UBE2W: variants seen among roughly 807,000 people sequenced by gnomAD.
UBE2W encodes the protein ubiquitin-conjugating enzyme E2 W.
UBE2W carries 18 observed loss-of-function variants against 27.2 expected under a neutral mutation model. The observed-to-expected ratio is 0.66, with a 90% CI of 0.46 to 0.98. UBE2W has a LOEUF of 0.98. Ranked by LOEUF, UBE2W falls within the 50% of genes least tolerant of loss-of-function variation. The probability of loss-of-function intolerance (pLI) is 0.00; values close to 1 mark genes in which losing one functional copy is unlikely to be tolerated. For synonymous variants in UBE2W, 53 were observed against 57.2 expected (o/e 0.93, Z 0.33); for missense variants, 90 against 180.2 (o/e 0.50, Z 2.87).
chr8:73,860,152 G>T (rs1024962229), intron 1 of UBE2W, among the ~76,000 whole-genome samples: 2 of 148,318 alleles, frequency 1.3e-5, no homozygotes, highest in Middle Eastern at 3.4e-3. Flanking sequence ...AGGGGGCGGG[G>T]GAAGAAAAGA....
chr8:73,850,700 T>C (rs1586522191), intron 1 of UBE2W, among the ~76,000 whole-genome samples: 1 of 77,038 alleles, frequency 1.3e-5, no homozygotes. Context: ...GGGAAGGAAA[T>C]AGTGAGGTAC....
At chr8:73,821,894 G>C (rs915251123) in intron 3 of UBE2W, among the ~76,000 whole-genome samples, 1 of 152,130 alleles carries the variant, frequency 6.6e-6, no homozygotes, top group African/African-American at 2.4e-5. Context: ...TTATTTACTG[G>C]ACCAGACCTT....
At chr8:73,838,383 C>A (rs1436088296) in intron 1 of UBE2W, among the ~76,000 whole-genome samples, 1 of 151,974 alleles carries the variant, frequency 6.6e-6, no homozygotes, top group African/African-American at 2.4e-5. Context: ...TGTCATAATA[C>A]CTTGGTTGAA....
intron 1 of UBE2W, among the ~76,000 whole-genome samples, chr8:73,853,273 A>G (rs1321235085): frequency 2.0e-5 from 3 of 152,152 alleles, no homozygotes; most frequent in Non-Finnish European, 4.4e-5. Flanking sequence ...AGCAGCCTGA[A>G]AAGAAAGATA....
At chr8:73,814,525 G>A (rs78008042) in intron 3 of UBE2W, among the ~76,000 whole-genome samples, 8,052 of 152,056 alleles carry the variant, frequency 0.053, 684 homozygotes, top group African/African-American at 0.18. Context: ...ATTAGAAACA[G>A]TCTTTTTTTT....
chr8:73,866,720 A>G (rs1156548620), intron 1 of UBE2W, among the ~76,000 whole-genome samples: 1 of 152,150 alleles, frequency 6.6e-6, no homozygotes, highest in Non-Finnish European at 1.5e-5. Flanking sequence ...TTGTGCTTCA[A>G]ATGACACTAT....
In UBE2W at chr8:73,792,492, T is replaced by C; in HGVS notation, c.*1610A>G. 9.1e-6 allele frequency: 9 copies of C among 985,250 alleles called. No individual in the cohort carries two copies. Among genetic ancestry groups the C allele is most frequent in the Non-Finnish European group, 1.1e-5 (9 of 829,374 alleles). The allele number at this position is 985,250 out of a possible 1,614,324, so 61.0% of individuals were successfully genotyped here. On this transcript the variant is annotated 3_prime_UTR_variant, in exon 6 of 6. Transcript: ENST00000602593. ...GCTACAAAATGTCATCTATACAGAT[T>C]AAAAACAATTTTAAAATATTATTTA...
In UBE2W at chr8:73,858,885, T is replaced by C. The variant is rs979167810; in HGVS notation, c.15+19923A>G. On this transcript the variant is annotated intron_variant, in intron 1 of 5. Transcript: ENST00000602593. ...TTAGGGGGGTTTTTGCGTGCGTGTG[T>C]GTGTGTGTGTGTGTGTGTGTGTGTT... is the stretch of plus-strand genomic sequence containing the variant. Among the ~76,000 whole-genome samples the C allele has an allele frequency of 3.0e-4, 45 of 149,872 alleles. No homozygotes were observed. In the East Asian group the frequency reaches 3.5e-3, roughly 12 times the overall value.
chr8:73,799,986 A>G (rs1200846944), intron 5 of UBE2W, among the ~76,000 whole-genome samples: 1 of 152,232 alleles, frequency 6.6e-6, no homozygotes, highest in East Asian at 1.9e-4. Context: ...AGTTCTAATA[A>G]GAAAATTAAT....
chr8:73,852,132 G>T (rs1344909310), intron 1 of UBE2W, among the ~76,000 whole-genome samples: 1 of 152,094 alleles, frequency 6.6e-6, no homozygotes, highest in Non-Finnish European at 1.5e-5. Context: ...CTGAGATTAA[G>T]ATTAGTTTTG....
chr8:73,857,240 C>T (rs1180353576), intron 1 of UBE2W, among the ~76,000 whole-genome samples: 1 of 151,054 alleles, frequency 6.6e-6, no homozygotes, highest in Admixed American at 6.6e-5. Context: ...GAGTCATCAA[C>T]AAGTAGGAAA....
At chr8:73,823,115 G>C (rs1809693225) in intron 3 of UBE2W, among the ~76,000 whole-genome samples, 1 of 152,110 alleles carries the variant, frequency 6.6e-6, no homozygotes, top group Non-Finnish European at 1.5e-5. Context: ...GGTGAAAGAA[G>C]AGTGAGAAGA....
chr8:73,876,328 A>T (rs938867426), intron 1 of UBE2W, among the ~76,000 whole-genome samples: 4 of 152,162 alleles, frequency 2.6e-5, no homozygotes, highest in African/African-American at 9.7e-5. Flanking sequence ...GATAGTCAGG[A>T]TATAAATTCT....
rs544949642 is a variant in UBE2W, at chr8:73,872,897, T to C, written c.15+5911A>G. On this transcript the variant is annotated intron_variant, in intron 1 of 5. Coordinates refer to ENST00000602593, the MANE Select transcript of UBE2W (RefSeq NM_018299.6). ...CTGTTCAAAGATAATCCTTTTTTTT[T>C]TTCCTTTTTTTTTTTTTTGTTTTAG... 7.9e-5 allele frequency among the ~76,000 whole-genome samples: 12 copies of C among 151,748 alleles called. No homozygotes were observed. The South Asian group carries it at 1.9e-3, about 24-fold the overall frequency.
intron 1 of UBE2W, among the ~76,000 whole-genome samples, chr8:73,834,475 A>G (rs554680396): frequency 6.6e-6 from 1 of 152,364 alleles, no homozygotes; most frequent in South Asian, 2.1e-4. Context: ...GCAAGATGAC[A>G]TAAAGAGGTT....
chr8:73,839,257 A>C (rs568928988), intron 1 of UBE2W, among the ~76,000 whole-genome samples: 1 of 151,410 alleles, frequency 6.6e-6, no homozygotes, highest in African/African-American at 2.4e-5. Flanking sequence ...AGTAGGGAAC[A>C]TTACTGTTTA....
Position 73,787,729 on chromosome 8 carries a change from A to G in UBE2W, c.*6373T>C. The G allele has an allele frequency of 1.0e-6, 1 of 985,400 alleles. No individual in the cohort carries two copies. Among genetic ancestry groups the G allele is most frequent in the South Asian group, 4.7e-5 (1 of 21,288 alleles). The allele number at this position is 985,400 out of a possible 1,614,324, so 61.0% of individuals were successfully genotyped here. ...TCAAGAGTCACTCATTTAAGTCATT[A>G]GTTGATCTGTTTGTATACTCCAGAA... is the stretch of plus-strand genomic sequence containing the variant. On this transcript the variant is annotated 3_prime_UTR_variant, in exon 6 of 6. Transcript: ENST00000602593.
intron 2 of UBE2W, among the ~76,000 whole-genome samples, chr8:73,829,800 T>C (rs529516777): frequency 1.3e-5 from 2 of 152,182 alleles, no homozygotes; most frequent in African/African-American, 4.8e-5. Context: ...TGGTTTACAA[T>C]CAATTTTTAT....
Position 73,787,702 on chromosome 8 carries a change from C to T in UBE2W, c.*6400G>A. Reference sequence around the variant, plus strand: ...GGTTATTTCTTTCCTCTTCTTGCAGCTTCAAGAGTCACTCATTTAAGTCAT... The same window carrying T: ...GGTTATTTCTTTCCTCTTCTTGCAGTTTCAAGAGTCACTCATTTAAGTCAT... On this transcript the variant is annotated 3_prime_UTR_variant, in exon 6 of 6. Coordinates refer to ENST00000602593, the MANE Select transcript of UBE2W (RefSeq NM_018299.6). The T allele has an allele frequency of 1.0e-6, 1 of 985,428 alleles. No individual in the cohort carries two copies. The highest frequency in any genetic ancestry group is 1.2e-6 in the Non-Finnish European group (1 of 829,940). The allele number at this position is 985,428 out of a possible 1,614,324, so 61.0% of individuals were successfully genotyped here.
Sources: gnomAD v4.1 joint callset for allele counts (sites outside exome capture counted in the v4.1 genomes callset) on GRCh38, gnomAD v4.1.1 for gene constraint, MANE v1.5 for transcripts, NCBI Gene and HGNC (gene_info 2026-07-23, HGNC 2026-07-21) for gene names.